The following LPP variants were observed in gnomAD, a reference collection of about 807,000 sequenced individuals.
LPP encodes the protein LIM domain containing preferred translocation partner in lipoma.
Under a neutral mutation model 60.4 loss-of-function variants are expected in LPP, and 38 were observed. The observed-to-expected ratio is 0.63, with a 90% CI of 0.49 to 0.83. The LOEUF is 0.83. LPP is among the 40% of genes least tolerant of loss of function. The pLI, the probability that LPP is intolerant of heterozygous loss-of-function variation, is 0.00. For synonymous variants in LPP, 328 were observed against 290.8 expected, an observed-to-expected ratio of 1.13 and a Z score of -1.30; for missense variants, 902 against 783.6, an observed-to-expected ratio of 1.15 and a Z score of -1.80.
intron 6 of LPP, among the ~76,000 whole-genome samples, chr3:188,573,857 A>G (rs866649381): frequency 1.3e-5 from 2 of 152,244 alleles, no homozygotes; most frequent in East Asian, 3.9e-4. Context: ...TCTCTAATCA[A>G]TAGTTTAGAC....
intron 1 of LPP, among the ~76,000 whole-genome samples, chr3:188,210,386 T>TG (rs1280914520): frequency 6.6e-6 from 1 of 152,128 alleles, no homozygotes; most frequent in Non-Finnish European, 1.5e-5. Flanking sequence ...AAGCAAGGGA[T>TG]GGAAGGCCGG....
chr3:188,758,706 T>G (rs551833969), intron 8 of LPP: 6 of 152,254 alleles, frequency 3.9e-5, no homozygotes, highest in Non-Finnish European at 8.8e-5. Flanking sequence ...CAGTGAGAAG[T>G]CTCTCCATAA....
At chr3:188,805,554 G>T (rs1195698553) in intron 9 of LPP, among the ~76,000 whole-genome samples, 1 of 151,092 alleles carries the variant, frequency 6.6e-6, no homozygotes, top group Non-Finnish European at 1.5e-5. Flanking sequence ...TTAGCTTTTG[G>T]TTTCACTGAG....
chr3:188,192,598 T>C (rs77246897), intron 1 of LPP, among the ~76,000 whole-genome samples: 1,554 of 152,352 alleles, frequency 0.01, 22 homozygotes, highest in African/African-American at 0.036. Flanking sequence ...TCACTCATTC[T>C]ACAGGTTAAG....
intron 4 of LPP, among the ~76,000 whole-genome samples, chr3:188,465,509 C>T (rs1007946228): frequency 6.6e-6 from 1 of 152,176 alleles, no homozygotes; most frequent in Admixed American, 6.6e-5. Flanking sequence ...AATATTCTCA[C>T]AAAAGCCTTC....
chr3:188,407,951 A>G (rs948842561), intron 4 of LPP, among the ~76,000 whole-genome samples: 1 of 151,330 alleles, frequency 6.6e-6, no homozygotes, highest in Non-Finnish European at 1.5e-5. Context: ...ACCATGCTTG[A>G]CTAATTTTGT....
intron 8 of LPP, among the ~76,000 whole-genome samples, chr3:188,750,191 G>C (rs62291300): frequency 5.3e-5 from 8 of 152,172 alleles, no homozygotes; most frequent in African/African-American, 1.9e-4. Flanking sequence ...AGAGAAGCCC[G>C]TATGGCCTGA....
intron 8 of LPP, among the ~76,000 whole-genome samples, chr3:188,739,577 C>G (rs768567549): frequency 1.3e-5 from 2 of 151,934 alleles, no homozygotes; most frequent in Non-Finnish European, 2.9e-5. Flanking sequence ...TGTATAATTC[C>G]TTAGGAGATA....
chr3:188,758,882 C>T (rs1174991653), intron 8 of LPP: 1 of 152,206 alleles, frequency 6.6e-6, no homozygotes, highest in African/African-American at 2.4e-5. Flanking sequence ...GGCATAATAA[C>T]AGTACCTGCA....
intron 1 of LPP, among the ~76,000 whole-genome samples, chr3:188,222,590 C>G (rs780721115): frequency 6.6e-6 from 1 of 152,118 alleles, no homozygotes; most frequent in Non-Finnish European, 1.5e-5. Flanking sequence ...GAAATCCTTT[C>G]CATTTACAGA....
At chr3:188,713,537 G>T (rs946088234) in intron 8 of LPP, among the ~76,000 whole-genome samples, 3 of 152,158 alleles carry the variant, frequency 2.0e-5, no homozygotes, top group Non-Finnish European at 1.5e-5. Context: ...TGAGCTATTT[G>T]TTGCAGTATA....
intron 2 of LPP, among the ~76,000 whole-genome samples, chr3:188,306,679 G>GGT (rs1467388383): frequency 2.0e-5 from 3 of 152,176 alleles, no homozygotes; most frequent in Non-Finnish European, 4.4e-5. Context: ...TGCAGTGCGT[G>GGT]GTGGGGAATG....
chr3:188,202,051 G>A (rs559442802), intron 1 of LPP, among the ~76,000 whole-genome samples: 12 of 151,700 alleles, frequency 7.9e-5, no homozygotes, highest in Admixed American at 3.3e-4. Flanking sequence ...TAGAAGCTTC[G>A]GTCCCGGTTG....
rs1011282210 is a variant in LPP at position 188,708,285 on chromosome 3, C to G, written c.1132C>G (p.Leu378Val). 1 of 1,614,016 alleles carries G rather than the reference C, an allele frequency of 6.2e-7. No individual in the cohort carries two copies. The highest frequency in any genetic ancestry group is 8.5e-7 in the Non-Finnish European group (1 of 1,180,000). ...LQPKGGHSGQ[L>V]GPSSVAPSFR... ...CTTTCAGGGTGGCCATTCAGGGCAACTGGGGCCTTCGTCAGTTGCCCCTTC... is the reference window on the plus strand; with the variant it reads ...CTTTCAGGGTGGCCATTCAGGGCAAGTGGGGCCTTCGTCAGTTGCCCCTTC... Residue 378 changes from leucine to valine, a missense_variant, in exon 8 of 12, where the codon CTG (leucine) becomes GTG (valine). By Grantham distance (32) the Leu-to-Val change is conservative (BLOSUM62 1). Transcript: ENST00000617246.
At chr3:188,873,684 A>C (rs983128276) in intron 11 of LPP, among the ~76,000 whole-genome samples, 7 of 152,192 alleles carry the variant, frequency 4.6e-5, no homozygotes, top group Non-Finnish European at 8.8e-5. Context: ...GCCTGTGTGC[A>C]TTGAGGCAGA....
At chr3:188,269,948 G>A (rs552282059) in intron 2 of LPP, among the ~76,000 whole-genome samples, 15 of 151,974 alleles carry the variant, frequency 9.9e-5, no homozygotes, top group African/African-American at 2.7e-4. Context: ...ACACCTGGCC[G>A]TGCCTTGTTT....
At chr3:188,862,718 AATAAATAAATAAATAAATAAAAG>A (rs1765499232) in intron 9 of LPP, among the ~76,000 whole-genome samples, 2 of 99,844 alleles carry the variant, frequency 2.0e-5, no homozygotes, top group South Asian at 7.7e-4. Context: ...TAGACAAAAA[AATAAATAAATAAATAAATAAAAG>A]AAAAAAGAAA....
intron 6 of LPP, among the ~76,000 whole-genome samples, chr3:188,539,682 C>G (rs1254651457): frequency 6.6e-6 from 1 of 152,038 alleles, no homozygotes; most frequent in Non-Finnish European, 1.5e-5. Context: ...GACATGAGGA[C>G]CACAAGGAAT....
intron 4 of LPP, among the ~76,000 whole-genome samples, chr3:188,419,410 G>T (rs989974888): frequency 6.6e-6 from 1 of 152,208 alleles, no homozygotes; most frequent in Non-Finnish European, 1.5e-5. Context: ...TCAGAAGAAA[G>T]AGTTTGCTTG....
Sources: allele counts gnomAD v4.1 joint callset (sites outside exome capture counted in the v4.1 genomes callset), GRCh38; gene constraint gnomAD v4.1.1; transcripts MANE v1.5; gene names NCBI Gene and HGNC (gene_info 2026-07-23, HGNC 2026-07-21).